Variants in CLIC5 observed in about 807,000 individuals in gnomAD.
CLIC5 encodes the protein chloride intracellular channel protein 5.
In CLIC5, 20 loss-of-function variants were observed where a neutral mutation model predicts 24.7. The observed-to-expected ratio is 0.81, with a 90% confidence interval of 0.57 to 1.18. The LOEUF is 1.18. Ranked by LOEUF, CLIC5 falls within the 50% of genes most tolerant of loss-of-function variation. CLIC5 has a pLI of 0.00. For synonymous variants in CLIC5, 159 were observed against 135.6 expected (o/e 1.17, Z -1.20); for missense variants, 341 against 326.1 (o/e 1.05, Z -0.35).
At chr6:46,125,377 G>A in the CLIC5 span, among the ~76,000 whole-genome samples, 16 of 152,100 alleles carry the variant, frequency 1.1e-4, no homozygotes, top group Non-Finnish European at 2.1e-4. Context: ...ATTGAACAAT[G>A]AGAACACTTG....
At chr6:45,926,885 TATC>T (rs1763520527) in intron 4 of CLIC5, among the ~76,000 whole-genome samples, 1 of 152,214 alleles carries the variant, frequency 6.6e-6, no homozygotes, top group Non-Finnish European at 1.5e-5. Context: ...TGAAGCTTGA[TATC>T]ATATAACAGA....
intron 2 of CLIC5, among the ~76,000 whole-genome samples, chr6:45,952,682 G>A (rs1338418992): frequency 1.3e-5 from 2 of 152,178 alleles, no homozygotes; most frequent in African/African-American, 4.8e-5. Flanking sequence ...AAATGGAGTG[G>A]TGCTACATGC....
chr6:46,025,359 T>C (rs1253838922), intron 1 of CLIC5, among the ~76,000 whole-genome samples: 2 of 152,178 alleles, frequency 1.3e-5, no homozygotes, highest in African/African-American at 4.8e-5. Context: ...TCTCACTTAA[T>C]CCCTCACTGC....
At chr6:46,030,582 A>G (rs906526810) in intron 1 of CLIC5, among the ~76,000 whole-genome samples, 2 of 152,148 alleles carry the variant, frequency 1.3e-5, no homozygotes, top group African/African-American at 4.8e-5. Context: ...AGAATGATGT[A>G]CTAGGTTGGG....
At chr6:46,078,456 A>G (rs938384874) in intron 1 of CLIC5, among the ~76,000 whole-genome samples, 2 of 151,884 alleles carry the variant, frequency 1.3e-5, no homozygotes, top group African/African-American at 4.8e-5. Context: ...TTCTAACATC[A>G]CCTCCTCCGT....
chr6:46,086,358 A>C, the CLIC5 span, among the ~76,000 whole-genome samples: 2 of 152,246 alleles, frequency 1.3e-5, no homozygotes, highest in African/African-American at 2.4e-5. Flanking sequence ...GGAGCTGTAG[A>C]CCGGAGCTGT....
the CLIC5 span, among the ~76,000 whole-genome samples, chr6:46,087,768 A>C: frequency 6.6e-6 from 1 of 152,172 alleles, no homozygotes; most frequent in Admixed American, 6.5e-5. Context: ...CAGATAGCCA[A>C]CTTCAAAGAG....
chr6:46,094,677 G>A, the CLIC5 span, among the ~76,000 whole-genome samples: 3 of 152,312 alleles, frequency 2.0e-5, no homozygotes, highest in South Asian at 2.1e-4. Flanking sequence ...ACTTTGCAGG[G>A]TTCAGCTCCC....
chr6:45,965,097 G>A (rs1323358112), intron 1 of CLIC5, among the ~76,000 whole-genome samples: 1 of 152,056 alleles, frequency 6.6e-6, no homozygotes, highest in African/African-American at 2.4e-5. Flanking sequence ...TAGCGTTCAG[G>A]GTTTTGTGTA....
chr6:45,989,090 A>C (rs1435513344), intron 1 of CLIC5, among the ~76,000 whole-genome samples: 1 of 152,186 alleles, frequency 6.6e-6, no homozygotes, highest in African/African-American at 2.4e-5. Context: ...CTGCCTTTCT[A>C]GGCTGCATTT....
At chr6:45,930,022 A>G (rs1763667044) in intron 4 of CLIC5, among the ~76,000 whole-genome samples, 1 of 152,146 alleles carries the variant, frequency 6.6e-6, no homozygotes, top group Non-Finnish European at 1.5e-5. Context: ...GGGAGAAGGC[A>G]TGAAGCGCCT....
intron 6 of CLIC5, among the ~76,000 whole-genome samples, chr6:45,882,151 T>C (rs1227200601): frequency 6.6e-6 from 1 of 152,202 alleles, no homozygotes; most frequent in Non-Finnish European, 1.5e-5. Context: ...AAAATGCTTT[T>C]ACCAGAGACT....
intron 1 of CLIC5, among the ~76,000 whole-genome samples, chr6:46,006,742 C>T (rs1766599829): frequency 6.7e-6 from 1 of 148,628 alleles, no homozygotes; most frequent in Non-Finnish European, 1.5e-5. Flanking sequence ...GTGGTGCAAA[C>T]TCAGCCCTCT....
chr6:46,077,717 G>A (rs1762809178), intron 1 of CLIC5, among the ~76,000 whole-genome samples: 1 of 152,064 alleles, frequency 6.6e-6, no homozygotes, highest in South Asian at 2.1e-4. Context: ...GACACTCTAT[G>A]GCCTTTCAGT....
chr6:46,115,181 G>A, the CLIC5 span, among the ~76,000 whole-genome samples: 2 of 152,054 alleles, frequency 1.3e-5, no homozygotes, highest in Non-Finnish European at 2.9e-5. Flanking sequence ...GGGCCTAGAG[G>A]TTATTTATGG....
At chr6:45,974,501 A>G (rs866939160) in intron 1 of CLIC5, among the ~76,000 whole-genome samples, 18 of 74,334 alleles carry the variant, frequency 2.4e-4, no homozygotes, top group South Asian at 6.3e-4. Context: ...GTGTGTGTAT[A>G]TATATATATA....
intron 5 of CLIC5, among the ~76,000 whole-genome samples, chr6:45,905,634 T>C (rs183619062): frequency 1.4e-3 from 219 of 152,290 alleles, no homozygotes; most frequent in African/African-American, 5.1e-3. Context: ...ATTAGACCTT[T>C]GTCAGATGCA....
chr6:46,096,300 A>T, the CLIC5 span, among the ~76,000 whole-genome samples: 1 of 152,228 alleles, frequency 6.6e-6, no homozygotes. Flanking sequence ...AGGCCAGGGA[A>T]CAGATCCAAA....
chr6:45,888,401 G>A (rs953737941), intron 6 of CLIC5, among the ~76,000 whole-genome samples: 4 of 152,206 alleles, frequency 2.6e-5, no homozygotes, highest in African/African-American at 9.6e-5. Flanking sequence ...TTCAGGGAAA[G>A]AGAGATAATG....
Sources: allele counts gnomAD v4.1 joint callset (sites outside exome capture counted in the v4.1 genomes callset), GRCh38; gene constraint gnomAD v4.1.1; transcripts MANE v1.5; gene names NCBI Gene and HGNC (gene_info 2026-07-23, HGNC 2026-07-21).